The following PARD3B variants were observed in gnomAD, a reference collection of about 807,000 sequenced individuals.
PARD3B encodes the protein partitioning defective 3 homolog B.
In PARD3B, 103 loss-of-function variants were observed where a neutral mutation model predicts 130.2. The observed-to-expected ratio is 0.79, with a 90% CI of 0.67 to 0.93. The LOEUF is 0.93. PARD3B is among the 40% of genes least tolerant of loss of function. The probability of loss-of-function intolerance (pLI) is 0.00; values close to 1 mark genes in which losing one functional copy is unlikely to be tolerated. For missense variants in PARD3B, 1,609 were observed against 1,499.2 expected (o/e 1.07, Z -1.21); for synonymous variants, 583 against 553.2 (o/e 1.05, Z -0.76).
intron 11 of PARD3B, among the ~76,000 whole-genome samples, chr2:205,168,628 G>A (rs2034967657): frequency 6.6e-6 from 1 of 150,414 alleles, no homozygotes; most frequent in Admixed American, 6.6e-5. Context: ...AGACGTGCAT[G>A]TATGGATGTC....
At chr2:205,409,888 A>G (rs1251792876) in intron 19 of PARD3B, among the ~76,000 whole-genome samples, 1 of 152,172 alleles carries the variant, frequency 6.6e-6, no homozygotes, top group Admixed American at 6.5e-5. Context: ...ATCTGACCTG[A>G]TAAAAATGTG....
intron 21 of PARD3B, among the ~76,000 whole-genome samples, chr2:205,546,869 T>C (rs1210724318): frequency 6.6e-6 from 1 of 152,184 alleles, no homozygotes; most frequent in Non-Finnish European, 1.5e-5. Context: ...AAAATCATGT[T>C]TTAAAATATA....
At chr2:205,472,358 C>G (rs919008442) in intron 20 of PARD3B, among the ~76,000 whole-genome samples, 2 of 151,034 alleles carry the variant, frequency 1.3e-5, no homozygotes, top group Non-Finnish European at 2.9e-5. Context: ...AATTAGCACC[C>G]AAGACATACT....
At chr2:205,401,851 G>A (rs929563021) in intron 19 of PARD3B, among the ~76,000 whole-genome samples, 1 of 152,198 alleles carries the variant, frequency 6.6e-6, no homozygotes, top group African/African-American at 2.4e-5. Flanking sequence ...GGAGCTTGGA[G>A]AAAGACTGAG....
rs142277504 is a variant in PARD3B, at chr2:205,459,725, C to A, written c.3044+19053C>A. 6.6e-5 allele frequency among the ~76,000 whole-genome samples: 10 copies of A among 152,282 alleles called. No individual in the cohort carries two copies. In the East Asian group the frequency reaches 1.9e-3, roughly 29 times the overall value. On this transcript the variant is annotated intron_variant, in intron 20 of 22. Transcript: ENST00000406610. ...TCCCATCAGTCTCCCTCTCAGAGACCTGTTGGCCCTCCTCACCATTTCAGT... is the reference window on the plus strand; with the variant it reads ...TCCCATCAGTCTCCCTCTCAGAGACATGTTGGCCCTCCTCACCATTTCAGT...
At chr2:204,898,845 C>T (rs534351997) in intron 2 of PARD3B, among the ~76,000 whole-genome samples, 5 of 152,078 alleles carry the variant, frequency 3.3e-5, no homozygotes, top group South Asian at 4.2e-4. Context: ...GTTCTCTTGC[C>T]GAATTGACCT....
At chr2:204,734,868 A>T (rs919769807) in intron 2 of PARD3B, among the ~76,000 whole-genome samples, 2 of 152,014 alleles carry the variant, frequency 1.3e-5, no homozygotes, top group Admixed American at 1.3e-4. Flanking sequence ...TTACCACTGA[A>T]ATGGGTGCAT....
chr2:205,079,136 A>G (rs550826311), intron 4 of PARD3B, among the ~76,000 whole-genome samples: 96 of 152,352 alleles, frequency 6.3e-4, no homozygotes, highest in African/African-American at 2.2e-3. Context: ...ATGATTTGCT[A>G]TGCAGCAATA....
Position 205,458,768 on chromosome 2 carries a change from T to C in PARD3B, c.3044+18096T>C, listed in dbSNP as rs1384199379. Among the ~76,000 whole-genome samples the C allele has an allele frequency of 6.6e-6, 1 of 152,180 alleles. No homozygotes were observed. Among genetic ancestry groups the C allele is most frequent in the African/African-American group, 2.4e-5 (1 of 41,450 alleles). ...TCTTATCTCCTGGTATGCATATTTT[T>C]GATCAAATGCTAGACACAGTCCTTG... On this transcript the variant is annotated intron_variant, in intron 20 of 22. Coordinates refer to ENST00000406610, the MANE Select transcript of PARD3B (RefSeq NM_001302769.2). This position sits in a 1 kb window ranked among gnomAD's most constrained non-coding sequence, Gnocchi z 4.8.
intron 22 of PARD3B, among the ~76,000 whole-genome samples, chr2:205,601,562 A>G (rs576556755): frequency 6.6e-6 from 1 of 152,182 alleles, no homozygotes; most frequent in Non-Finnish European, 1.5e-5. Flanking sequence ...TTTCATCATG[A>G]AATCTTTGCC....
chr2:204,979,314 A>G (rs965365151), intron 3 of PARD3B, among the ~76,000 whole-genome samples: 1 of 152,200 alleles, frequency 6.6e-6, no homozygotes, highest in Non-Finnish European at 1.5e-5. Context: ...GCTGGGATGA[A>G]GGCGGGCAAC....
chr2:204,654,338 A>C (rs1257706066), intron 1 of PARD3B, among the ~76,000 whole-genome samples: 1 of 151,212 alleles, frequency 6.6e-6, no homozygotes, highest in Admixed American at 6.6e-5. Context: ...TTGATGTGGA[A>C]CCATAAACAT....
At chr2:204,936,512 C>A (rs1024772149) in intron 2 of PARD3B, among the ~76,000 whole-genome samples, 6 of 152,158 alleles carry the variant, frequency 3.9e-5, no homozygotes, top group Non-Finnish European at 7.3e-5. Context: ...CATAGGATGG[C>A]AAGTACTGCT....
intron 5 of PARD3B, among the ~76,000 whole-genome samples, chr2:205,109,946 G>T (rs1196366740): frequency 6.6e-6 from 1 of 152,022 alleles, no homozygotes; most frequent in African/African-American, 2.4e-5. Context: ...GAGCCAACGC[G>T]CCTGGCCAGG....
Position 204,545,948 on chromosome 2 carries a change from G to T in PARD3B, c.-52G>T. On this transcript the variant is annotated 5_prime_UTR_variant, in exon 1 of 23. Transcript: ENST00000406610. ...TCCTCCGAGAGTGGGGGCTGCGCCCGCGGGGTCAGACACCTGTTCGGCCCG... is the reference window on the plus strand; with the variant it reads ...TCCTCCGAGAGTGGGGGCTGCGCCCTCGGGGTCAGACACCTGTTCGGCCCG... 2 of 1,478,110 alleles carry T rather than the reference G, an allele frequency of 1.4e-6. No homozygotes were observed. The highest frequency in any genetic ancestry group is 1.5e-5 in the African/African-American group (1 of 68,438). The allele number at this position is 1,478,110 out of a possible 1,614,324, so 91.6% of individuals were successfully genotyped here.
chr2:205,250,322 A>T (rs900503663), intron 16 of PARD3B, among the ~76,000 whole-genome samples: 1 of 152,014 alleles, frequency 6.6e-6, no homozygotes, highest in African/African-American at 2.4e-5. Context: ...CTTTAAGATG[A>T]TGCAGTACTG....
At chr2:204,731,609 T>G (rs1341831938) in intron 2 of PARD3B, among the ~76,000 whole-genome samples, 1 of 152,188 alleles carries the variant, frequency 6.6e-6, no homozygotes, top group African/African-American at 2.4e-5. Flanking sequence ...AGTAGAGAAC[T>G]ATGCTGGGAA....
intron 21 of PARD3B, among the ~76,000 whole-genome samples, chr2:205,505,881 TA>T (rs916238890): frequency 3.9e-5 from 6 of 151,948 alleles, no homozygotes; most frequent in Middle Eastern, 3.4e-3. Flanking sequence ...CCAACCTTTT[TA>T]AAAAAAAATT....
chr2:205,209,611 TA>T (rs2037512036), intron 15 of PARD3B, among the ~76,000 whole-genome samples: 1 of 151,212 alleles, frequency 6.6e-6, no homozygotes, highest in Non-Finnish European at 1.5e-5. Context: ...ATTAAATAAT[TA>T]AAAATATATG....
Sources: gnomAD v4.1 joint callset for allele counts (sites outside exome capture counted in the v4.1 genomes callset) on GRCh38, gnomAD v4.1.1 for gene constraint, Gnocchi (gnomAD v3.1) non-coding constraint, MANE v1.5 for transcripts, NCBI Gene and HGNC (gene_info 2026-07-23, HGNC 2026-07-21) for gene names.